ARGFX: variants seen among roughly 807,000 people sequenced by gnomAD.
The protein encoded by ARGFX is arginine-fifty homeobox.
ARGFX carries 10 observed loss-of-function variants against 8.0 expected under a neutral mutation model. That is an observed-to-expected ratio of 1.25 (90% confidence interval 0.77 to 2.12). ARGFX has a LOEUF of 2.12. Among genes scored for constraint, ARGFX ranks in the 30% most tolerant of loss-of-function variants. The pLI, the probability that ARGFX is intolerant of heterozygous loss-of-function variation, is 0.00. For missense variants in ARGFX, 282 were observed against 324.3 expected (o/e 0.87, Z 1.00); for synonymous variants, 116 against 117.8 (o/e 0.98, Z 0.10).
Position 121,570,577 on chromosome 3 carries a change from GAGGAA to G in ARGFX, c.-12-124_-12-120del, listed in dbSNP as rs905504356. The G allele has an allele frequency of 6.1e-6, 3 of 493,338 alleles. No homozygotes were observed. In the Admixed American group the frequency reaches 1.2e-4, roughly 20 times the overall value. 30.6% of individuals were successfully genotyped at this position (493,338 alleles called of 1,614,324 possible). ...TATGAATCATTTTCCAGCTGAGGTA[GAGGAA>G]TTGGGGGTTAACCTCACTTGCCAGA... On this transcript the variant is annotated intron_variant, in intron 1 of 4. Coordinates refer to ENST00000334384, the MANE Select transcript of ARGFX (RefSeq NM_001012659.2).
chr3:121,575,577 G>A (rs926277524), intron 2 of ARGFX, among the ~76,000 whole-genome samples: 19 of 152,212 alleles, frequency 1.2e-4, no homozygotes, highest in Middle Eastern at 3.4e-3. Flanking sequence ...TCTTGAGTGG[G>A]GGGCATCATC....
rs1037702522 is a variant in ARGFX, at chr3:121,590,475, C to T, written c.*3875C>T. Among the ~76,000 whole-genome samples, 5 of 146,616 alleles carry T rather than the reference C, an allele frequency of 3.4e-5. No individual in the cohort carries two copies. The highest frequency in any genetic ancestry group is 7.5e-5 in the Non-Finnish European group (5 of 66,696). ...TCCCCACCCCCACCTCTATCTTTCT[C>T]TCTCTCTCTTACCTCCTCCTCTCCC... On this transcript the variant is annotated 3_prime_UTR_variant, in exon 5 of 5. Transcript: ENST00000334384.
intron 3 of ARGFX, among the ~76,000 whole-genome samples, chr3:121,580,964 T>C (rs1325519397): frequency 1.3e-5 from 2 of 152,128 alleles, no homozygotes; most frequent in East Asian, 1.9e-4. Flanking sequence ...TACACACAAA[T>C]AGATAGCAAG....
chr3:121,572,201 G>A (rs1459418905), intron 2 of ARGFX, among the ~76,000 whole-genome samples: 4 of 138,162 alleles, frequency 2.9e-5, no homozygotes, highest in South Asian at 2.4e-4. Context: ...GAGCCACCTC[G>A]CCTGGCCAGC....
intron 1 of ARGFX, among the ~76,000 whole-genome samples, chr3:121,570,497 T>C (rs2048701078): frequency 6.6e-6 from 1 of 152,238 alleles, no homozygotes; most frequent in African/African-American, 2.4e-5. Context: ...CTTTTGTTAT[T>C]TCTAAAGTTT....
chr3:121,584,445 A>T (rs1217179068), intron 3 of ARGFX, among the ~76,000 whole-genome samples: 1 of 152,160 alleles, frequency 6.6e-6, no homozygotes, highest in African/African-American at 2.4e-5. Flanking sequence ...AATTAAAAAA[A>T]TTTTTGGCTA....
At chr3:121,581,739 C>A in intron 3 of ARGFX, among the ~76,000 whole-genome samples, 1 of 152,014 alleles carries the variant, frequency 6.6e-6, no homozygotes, top group East Asian at 1.9e-4. Context: ...CATCTCTACA[C>A]ACACACACAC....
chr3:121,571,406 C>A (rs112296053), intron 2 of ARGFX, among the ~76,000 whole-genome samples: 4 of 151,798 alleles, frequency 2.6e-5, no homozygotes, highest in Admixed American at 6.6e-5. Flanking sequence ...AAAATAACTC[C>A]ATTTACAATA....
At position 121,586,765 on chromosome 3, in the gene ARGFX, G is replaced by A. The variant is rs914214970; in HGVS notation, c.*165G>A. On this transcript the variant is annotated 3_prime_UTR_variant, in exon 5 of 5. Transcript: ENST00000334384. ...TTTTCCAAGTAGAGCTGGGCACTACGTAATCAGCCCCACAAGTCTCCCTGA... is the reference window on the plus strand; with the variant it reads ...TTTTCCAAGTAGAGCTGGGCACTACATAATCAGCCCCACAAGTCTCCCTGA... 17 of 640,082 alleles carry A rather than the reference G, an allele frequency of 2.7e-5. No homozygotes were observed. The highest frequency in any genetic ancestry group is 4.2e-4 in the Middle Eastern group (1 of 2,380). 39.7% of individuals were successfully genotyped at this position (640,082 alleles called of 1,614,324 possible).
chr3:121,586,729 T>C lies in ARGFX; in HGVS notation c.*129T>C. 3 of 855,352 alleles carry C rather than the reference T, an allele frequency of 3.5e-6. No homozygotes were observed. Among genetic ancestry groups the C allele is most frequent in the Non-Finnish European group, 5.3e-6 (3 of 569,750 alleles). The allele number at this position is 855,352 out of a possible 1,614,324, so 53.0% of individuals were successfully genotyped here. A position where few individuals can be genotyped will look rare whatever the true frequency, so the allele number is the denominator to read the frequency against. ...GTGTCTCTGATTTCCATGTAAATGT[T>C]GCAAAAAGAGTTTTCCAAGTAGAGC... On this transcript the variant is annotated 3_prime_UTR_variant, in exon 5 of 5. Coordinates refer to ENST00000334384, the MANE Select transcript of ARGFX (RefSeq NM_001012659.2).
rs2048834564 is a variant in ARGFX, at chr3:121,589,738, T to A, written c.*3138T>A. Among the ~76,000 whole-genome samples the A allele has an allele frequency of 1.3e-5, 2 of 152,204 alleles. No homozygotes were observed. Among genetic ancestry groups the A allele is most frequent in the South Asian group, 4.1e-4 (2 of 4,820 alleles). On this transcript the variant is annotated 3_prime_UTR_variant, in exon 5 of 5. Coordinates refer to ENST00000334384, the MANE Select transcript of ARGFX (RefSeq NM_001012659.2). ...AACAAAAGGAACAACTAACCTGAAA[T>A]ATATAATAACTTTGAACTTAAATAT...
intron 4 of ARGFX, among the ~76,000 whole-genome samples, 165 bp from the exon 5 acceptor site, chr3:121,585,853 ATCCC>A (rs2048809365): frequency 6.6e-6 from 1 of 152,092 alleles, no homozygotes. Flanking sequence ...GATCTTCATC[ATCCC>A]TCCTACTGAC....
At chr3:121,577,248 T>TCTACATGTAC (rs2048746242) in intron 3 of ARGFX, among the ~76,000 whole-genome samples, 1 of 54,064 alleles carries the variant, frequency 1.8e-5, no homozygotes, top group African/African-American at 7.2e-5. Context: ...TATATATATA[T>TCTACATGTAC]ATATATATAT....
intron 3 of ARGFX, among the ~76,000 whole-genome samples, chr3:121,583,335 T>A (rs34981496): frequency 0.13 from 19,752 of 152,056 alleles, 1,363 homozygotes; most frequent in African/African-American, 0.14. Context: ...TGGCTGATAA[T>A]TGCATTTTTA....
chr3:121,572,413 T>C (rs1032805301), intron 2 of ARGFX, among the ~76,000 whole-genome samples: 10 of 151,874 alleles, frequency 6.6e-5, no homozygotes, highest in Admixed American at 4.6e-4. Flanking sequence ...GGCTAATTTT[T>C]GTATTTTTAG....
intron 2 of ARGFX, 37 bp downstream of exon 2, chr3:121,570,853 A>T: frequency 7.1e-7 from 1 of 1,416,832 alleles, no homozygotes. Flanking sequence ...TTCCTTTTCT[A>T]CTGCCCCATT....
chr3:121,589,525 C>T lies in ARGFX; in HGVS notation c.*2925C>T, dbSNP rs199633068. Among the ~76,000 whole-genome samples, 323 of 152,138 alleles carry T rather than the reference C, an allele frequency of 2.1e-3. No homozygotes were observed. Among genetic ancestry groups the T allele is most frequent in the Admixed American group, 3.5e-3 (54 of 15,272 alleles). ...CCAAGTAGCTGGGACTACAGGTGTACGCCACCACACCCAGCTAATTTTTGT... is the reference window on the plus strand; with the variant it reads ...CCAAGTAGCTGGGACTACAGGTGTATGCCACCACACCCAGCTAATTTTTGT... On this transcript the variant is annotated 3_prime_UTR_variant, in exon 5 of 5. Coordinates refer to ENST00000334384, the MANE Select transcript of ARGFX (RefSeq NM_001012659.2).
At chr3:121,568,186 T>A (rs969052536) in intron 1 of ARGFX, among the ~76,000 whole-genome samples, 173 bp downstream of exon 1, 1 of 152,190 alleles carries the variant, frequency 6.6e-6, no homozygotes. Flanking sequence ...AGACTGACTG[T>A]TCACCTCATG....
intron 2 of ARGFX, 126 bp downstream of exon 2, chr3:121,570,942 C>A: frequency 1.6e-6 from 1 of 620,984 alleles, no homozygotes. Context: ...TTCAAAAAGT[C>A]TTCCCATCAT....
Sources: gnomAD v4.1 joint callset for allele counts (sites outside exome capture counted in the v4.1 genomes callset) on GRCh38, gnomAD v4.1.1 for gene constraint, MANE v1.5 for transcripts, NCBI Gene and HGNC (gene_info 2026-07-23, HGNC 2026-07-21) for gene names.